IRAG2: variants seen among roughly 807,000 people sequenced by gnomAD.
IRAG2 encodes the protein inositol 1,4,5-triphosphate receptor associated 2.
A neutral mutation model predicts 69.9 loss-of-function variants in IRAG2; 45 were observed. The observed-to-expected ratio is 0.64, with a 90% CI of 0.51 to 0.83. The LOEUF is 0.83. Ranked by LOEUF, IRAG2 falls within the 40% of genes least tolerant of loss-of-function variation. The pLI is 0.00. For missense variants in IRAG2, 520 were observed against 587.0 expected, an observed-to-expected ratio of 0.89 and a Z score of 1.18; for synonymous variants, 193 against 202.4, an observed-to-expected ratio of 0.95 and a Z score of 0.40.
chr12:25,096,497 G>A (rs966649263), intron 14 of IRAG2, among the ~76,000 whole-genome samples: 3 of 152,154 alleles, frequency 2.0e-5, no homozygotes, highest in African/African-American at 4.8e-5. Context: ...CAGTCATACC[G>A]TCAGAGACAT....
chr12:25,080,166 C>T (rs931634224), intron 9 of IRAG2, among the ~76,000 whole-genome samples: 7 of 152,246 alleles, frequency 4.6e-5, no homozygotes, highest in African/African-American at 1.7e-4. Context: ...TAGCAATGGT[C>T]CACCCAGAGG....
chr12:25,055,381 G>T (rs1032533244), intron 1 of IRAG2, among the ~76,000 whole-genome samples: 2 of 152,122 alleles, frequency 1.3e-5, no homozygotes, highest in Non-Finnish European at 2.9e-5. Context: ...TATTTCTTCT[G>T]CATCTAAACT....
chr12:25,044,755 A>G (rs1392829485), intron 16 of IRAG2, among the ~76,000 whole-genome samples: 1 of 152,192 alleles, frequency 6.6e-6, no homozygotes, highest in Non-Finnish European at 1.5e-5. Context: ...ACCTAAATAT[A>G]TAAAGCAAAC....
rs374903548 is a variant in IRAG2, at chr12:25,079,358, G to C, written c.72-40G>C. ...TAGTTGGTTTTAAGAGAATTATTTG[G>C]ACCTGACATTCCAAAACATGTTTGC... On this transcript the variant is annotated intron_variant, in intron 7 of 21. Coordinates refer to ENST00000556887, the MANE Select transcript of IRAG2 (RefSeq NM_001366544.2). 5 of 1,609,184 alleles carry C rather than the reference G, an allele frequency of 3.1e-6. No homozygotes were observed. The African/African-American group carries it at 6.7e-5, about 22-fold the overall frequency.
upstream of IRAG2, among the ~76,000 whole-genome samples, chr12:25,001,545 A>G (rs918019124): frequency 6.6e-6 from 1 of 152,188 alleles, no homozygotes; most frequent in Non-Finnish European, 1.5e-5. Context: ...ACATTAATCT[A>G]GGTCAGTTAC....
At chr12:25,094,143 C>A (rs1265393754) in intron 14 of IRAG2, among the ~76,000 whole-genome samples, 1 of 151,840 alleles carries the variant, frequency 6.6e-6, no homozygotes, top group Non-Finnish European at 1.5e-5. Context: ...GGTGTTATAT[C>A]CAAGAAACCA....
At chr12:24,999,673 G>A (rs984364805), upstream of IRAG2, among the ~76,000 whole-genome samples, 1 of 151,980 alleles carries the variant, frequency 6.6e-6, no homozygotes, top group Non-Finnish European at 1.5e-5. Flanking sequence ...AACATTCTGT[G>A]CAGTGCATAT....
intron 2 of IRAG2, among the ~76,000 whole-genome samples, chr12:25,010,725 T>A (rs1031078308): frequency 7.9e-5 from 12 of 152,186 alleles, no homozygotes; most frequent in Admixed American, 3.3e-4. Context: ...CCTCTCAAAC[T>A]TCTACTTAAT....
chr12:25,076,498 A>G, intron 6 of IRAG2: 2 of 985,018 alleles, frequency 2.0e-6, no homozygotes, highest in Non-Finnish European at 2.4e-6. Flanking sequence ...GGCTTTAAAT[A>G]CTAATTAGAC....
At chr12:25,028,959 A>G (rs1350414653) in intron 9 of IRAG2, among the ~76,000 whole-genome samples, 1 of 152,214 alleles carries the variant, frequency 6.6e-6, no homozygotes, top group African/African-American at 2.4e-5. Flanking sequence ...GTGCAGTGGC[A>G]TTATCATAGT....
At chr12:25,013,234 TGGAAGGCCAAGGCGGGAGCA>T in intron 3 of IRAG2, among the ~76,000 whole-genome samples, 1 of 152,200 alleles carries the variant, frequency 6.6e-6, no homozygotes, top group African/African-American at 2.4e-5. Flanking sequence ...CCCAGCACTT[TGGAAGGCCAAGGCGGGAGCA>T]TCACCTGAGG....
At chr12:25,099,583 CAT>C (rs1272390516) in intron 15 of IRAG2, among the ~76,000 whole-genome samples, 5 of 152,166 alleles carry the variant, frequency 3.3e-5, no homozygotes, top group Admixed American at 1.3e-4. Flanking sequence ...CTCCTCCCAA[CAT>C]AGTCTGTTCT....
chr12:25,006,101 A>G (rs1702855518), intron 2 of IRAG2, among the ~76,000 whole-genome samples: 1 of 152,352 alleles, frequency 6.6e-6, no homozygotes, highest in Non-Finnish European at 1.5e-5. Context: ...GAAGACATAC[A>G]TGCAGCCAAC....
chr12:25,107,540 G>A (rs1376530499), intron 21 of IRAG2, among the ~76,000 whole-genome samples: 1 of 150,064 alleles, frequency 6.7e-6, no homozygotes, highest in Non-Finnish European at 1.5e-5. Context: ...TTACCTTACT[G>A]AAAGAATGAG....
intron 4 of IRAG2, chr12:25,015,266 G>A: frequency 1.6e-6 from 2 of 1,224,556 alleles, no homozygotes; most frequent in Non-Finnish European, 2.0e-6. Context: ...GAACAAGTAT[G>A]TATGTGTTTC....
chr12:25,067,496 G>A (rs1193237050), intron 5 of IRAG2, among the ~76,000 whole-genome samples: 1 of 152,106 alleles, frequency 6.6e-6, no homozygotes, highest in African/African-American at 2.4e-5. Flanking sequence ...GATGCCCCTT[G>A]CAGGTTCCAG....
At position 25,062,770 on chromosome 12, in the gene IRAG2, CT is replaced by C. The variant is rs1318520824; in HGVS notation, c.-384-49del. 27 of 398,796 alleles carry C rather than the reference CT, an allele frequency of 6.8e-5. No individual in the cohort carries two copies. In the East Asian group the frequency reaches 8.9e-4, roughly 13 times the overall value. The allele number at this position is 398,796 out of a possible 1,614,324, so 24.7% of individuals were successfully genotyped here. ...AGTCTAATGTGTTTGGGATCTTTGA[CT>C]CTTTCATCATTCTGTCTTTGAATAC... On this transcript the variant is annotated intron_variant, in intron 2 of 21. Transcript: ENST00000556887.
Position 25,088,455 on chromosome 12 carries a change from A to G in IRAG2, c.373+298A>G, listed in dbSNP as rs115060998. Reference sequence around the variant, plus strand: ...ACTGTTAGTTCTTTTTTAGTATCCCATCTAAAAGTAAAGCCCCTATTTACA... The same window carrying G: ...ACTGTTAGTTCTTTTTTAGTATCCCGTCTAAAAGTAAAGCCCCTATTTACA... On this transcript the variant is annotated intron_variant, in intron 11 of 21. Transcript: ENST00000556887. Among the ~76,000 whole-genome samples, 750 of 152,320 alleles carry G rather than the reference A, an allele frequency of 4.9e-3. 6 individuals are homozygous for G. Among genetic ancestry groups the G allele is most frequent in the African/African-American group, 0.017 (705 of 41,574 alleles).
Position 25,108,069 on chromosome 12 carries a change from C to T in IRAG2, c.*9C>T, listed in dbSNP as rs565515935. 2.7e-5 allele frequency: 43 copies of T among 1,611,756 alleles called. No individual in the cohort carries two copies. In the South Asian group the frequency reaches 4.1e-4, roughly 15 times the overall value. On this transcript the variant is annotated 3_prime_UTR_variant, in exon 22 of 22. Transcript: ENST00000556887. ...GGCCACCACCAGTGTGACAGCAGGA[C>T]ATCCTAATATATGGATCTTGATTTT...
Sources: gnomAD v4.1 joint callset for allele counts (sites outside exome capture counted in the v4.1 genomes callset) on GRCh38, gnomAD v4.1.1 for gene constraint, MANE v1.5 for transcripts, NCBI Gene and HGNC (gene_info 2026-07-23, HGNC 2026-07-21) for gene names.